Variants in ELMO2 observed in about 807,000 individuals in gnomAD.
ELMO2 encodes engulfment and cell motility protein 2.
In ELMO2, 37 loss-of-function variants were observed where a neutral mutation model predicts 96.2. The observed-to-expected ratio is 0.38, with a 90% CI of 0.30 to 0.51. The LOEUF (loss-of-function observed/expected upper bound fraction) is 0.51. Ranked by LOEUF, ELMO2 falls within the 20% of genes least tolerant of loss-of-function variation. The probability of loss-of-function intolerance (pLI) is 0.88; values close to 1 mark genes in which losing one functional copy is unlikely to be tolerated. For synonymous variants in ELMO2, 315 were observed against 329.4 expected (o/e 0.96, Z 0.47); for missense variants, 561 against 912.6 (o/e 0.61, Z 4.96).
chr20:46,374,923 T>TATC (rs2059826915), intron 13 of ELMO2, among the ~76,000 whole-genome samples: 1 of 152,198 alleles, frequency 6.6e-6, no homozygotes, highest in Non-Finnish European at 1.5e-5. Context: ...AGCCCTACTC[T>TATC]ATCACAAAAT....
chr20:46,393,970 C>T, intron 4 of ELMO2, 79 bp downstream of exon 4: 2 of 1,597,758 alleles, frequency 1.3e-6, no homozygotes, highest in Non-Finnish European at 1.7e-6. Flanking sequence ...GAGATCCTTC[C>T]CAGAACTCCC....
At position 46,367,385 on chromosome 20, in the gene ELMO2, T is replaced by C; in HGVS notation, c.2138A>G (p.Tyr713Cys). 6.3e-7 allele frequency: 1 copy of C among 1,581,376 alleles called. No homozygotes were observed. Residue 713 changes from tyrosine (Y) to cysteine (C), a missense_variant, in exon 22 of 22, where the codon TAT becomes TGT. By Grantham distance (194) the Tyr-to-Cys change is radical. Coordinates refer to ENST00000290246, the MANE Select transcript of ELMO2 (RefSeq NM_133171.5). ...TCAGCCATAGTGATAGACAAAGTCA[T>C]AGCTGCTGGGCTCCTTGGGGATGGG... is the stretch of plus-strand genomic sequence containing the variant. ...PPPIPKEPSS[Y>C]DFVYHYG is the part of the protein sequence containing the mutation.
chr20:46,374,184 C>G (rs915575004), intron 15 of ELMO2, 148 bp downstream of exon 15: 16 of 535,992 alleles, frequency 3.0e-5, no homozygotes, highest in Non-Finnish European at 4.4e-5. Flanking sequence ...TCAAGTGATC[C>G]TCCTGCCTCA....
intron 1 of ELMO2, among the ~76,000 whole-genome samples, 164 bp downstream of exon 1, chr20:46,406,384 G>A (rs971189827): frequency 6.6e-6 from 1 of 152,084 alleles, no homozygotes; most frequent in African/African-American, 2.4e-5. Context: ...TCGGGGGCCT[G>A]ACGAGCCGGC....
chr20:46,398,346 CTT>C (rs1413508289), intron 2 of ELMO2, among the ~76,000 whole-genome samples: 1 of 151,928 alleles, frequency 6.6e-6, no homozygotes, highest in Non-Finnish European at 1.5e-5. Flanking sequence ...GAGTCTTGCT[CTT>C]GTCGCCTAGG....
At chr20:46,390,276 C>G (rs992594683) in intron 6 of ELMO2, among the ~76,000 whole-genome samples, 1 of 152,174 alleles carries the variant, frequency 6.6e-6, no homozygotes, top group African/African-American at 2.4e-5. Flanking sequence ...AACCACCTGT[C>G]AAAGACGCTG....
intron 1 of ELMO2, among the ~76,000 whole-genome samples, chr20:46,403,224 G>A (rs886728106): frequency 3.3e-5 from 5 of 152,212 alleles, no homozygotes; most frequent in African/African-American, 1.2e-4. Flanking sequence ...AAGGCAGTCC[G>A]GGAGGAAAGT....
At chr20:46,369,029 C>A (rs2059641489) in intron 20 of ELMO2, 61 bp from the exon 21 acceptor site, 1 of 1,524,602 alleles carries the variant, frequency 6.6e-7, no homozygotes, top group South Asian at 1.1e-5. Flanking sequence ...ACATCAAGAT[C>A]TTGGCCAAAG....
chr20:46,376,292 G>A (rs992542778), intron 11 of ELMO2, among the ~76,000 whole-genome samples: 1 of 152,082 alleles, frequency 6.6e-6, no homozygotes, highest in African/African-American at 2.4e-5. Flanking sequence ...GCAACACAAA[G>A]GAGGAACAGT....
Position 46,393,207 on chromosome 20 carries a change from T to C in ELMO2, c.193-64A>G. On this transcript the variant is annotated intron_variant, in intron 5 of 21. Transcript: ENST00000290246. Reference sequence around the variant, plus strand: ...AAAATGTTAAAGTGGTACAAGCAAGTTGAATCAACAATAATGTTTTGTCTT... The same window carrying C: ...AAAATGTTAAAGTGGTACAAGCAAGCTGAATCAACAATAATGTTTTGTCTT... 3 of 1,491,596 alleles carry C rather than the reference T, an allele frequency of 2.0e-6. No homozygotes were observed. In the South Asian group the frequency reaches 3.4e-5, roughly 17 times the overall value. The allele number at this position is 1,491,596 out of a possible 1,614,324, so 92.4% of individuals were successfully genotyped here. A position where few individuals can be genotyped will look rare whatever the true frequency, so the allele number is the denominator to read the frequency against.
intron 1 of ELMO2, among the ~76,000 whole-genome samples, chr20:46,405,373 A>G (rs1474244622): frequency 6.6e-6 from 1 of 152,122 alleles, no homozygotes; most frequent in Non-Finnish European, 1.5e-5. Flanking sequence ...AGGGAGGAGG[A>G]ATACTAAATA....
At chr20:46,370,839 T>C (rs983810365) in intron 19 of ELMO2, among the ~76,000 whole-genome samples, 58 of 152,110 alleles carry the variant, frequency 3.8e-4, no homozygotes, top group Non-Finnish European at 7.2e-4. Flanking sequence ...TTCACAATAA[T>C]GGCGATGATG....
chr20:46,382,239 G>C (rs1464039666), intron 10 of ELMO2: 8 of 1,289,838 alleles, frequency 6.2e-6, no homozygotes, highest in Non-Finnish European at 8.1e-6. Context: ...TAAGGTGCTT[G>C]TCCTGCCGGC....
intron 15 of ELMO2, 87 bp downstream of exon 15, chr20:46,374,245 C>T: frequency 8.9e-7 from 1 of 1,125,908 alleles, no homozygotes; most frequent in Non-Finnish European, 1.3e-6. Flanking sequence ...CCCGACCCCA[C>T]TGACATGTAA....
intron 20 of ELMO2, chr20:46,369,969 T>C (rs953324513): frequency 1.2e-5 from 2 of 161,100 alleles, no homozygotes; most frequent in South Asian, 6.7e-5. Context: ...GGGGTGTGTG[T>C]GTGTGTGTGT....
intron 1 of ELMO2, among the ~76,000 whole-genome samples, chr20:46,400,536 A>G (rs1376470806): frequency 2.0e-5 from 3 of 152,404 alleles, no homozygotes; most frequent in South Asian, 2.1e-4. Flanking sequence ...AGGGAGCTGT[A>G]GTTCCATATC....
intron 11 of ELMO2, chr20:46,380,036 G>A: frequency 2.2e-6 from 1 of 463,310 alleles, no homozygotes; most frequent in South Asian, 3.3e-5. Context: ...TCCCTCCCTG[G>A]ACGCACTGCA....
At chr20:46,391,519 G>C (rs1316505873) in intron 6 of ELMO2, among the ~76,000 whole-genome samples, 1 of 152,158 alleles carries the variant, frequency 6.6e-6, no homozygotes, top group Admixed American at 6.5e-5. Context: ...AAGAAAAGAA[G>C]TGCCATCATG....
chr20:46,378,185 T>C (rs567617501), intron 11 of ELMO2, among the ~76,000 whole-genome samples: 1 of 152,246 alleles, frequency 6.6e-6, no homozygotes, highest in African/African-American at 2.4e-5. Context: ...TCCAGTCTGA[T>C]GAGTGACAGT....
Sources: allele counts gnomAD v4.1 joint callset (sites outside exome capture counted in the v4.1 genomes callset), GRCh38; gene constraint gnomAD v4.1.1; transcripts MANE v1.5; gene names NCBI Gene and HGNC (gene_info 2026-07-23, HGNC 2026-07-21).